Variants in ADAM15 observed in about 807,000 individuals in gnomAD.
ADAM15 encodes disintegrin and metalloproteinase domain-containing protein 15.
Under a neutral mutation model 113.8 loss-of-function variants are expected in ADAM15, and 77 were observed. The observed-to-expected ratio is 0.68, with a 90% CI of 0.56 to 0.82. The LOEUF (loss-of-function observed/expected upper bound fraction) is 0.82. Among genes scored for constraint, ADAM15 ranks in the 40% least tolerant of loss-of-function variants. The pLI, the probability that ADAM15 is intolerant of heterozygous loss-of-function variation, is 0.00. For synonymous variants in ADAM15, 388 were observed against 454.1 expected (o/e 0.85, Z 1.85); for missense variants, 963 against 1,120.1 (o/e 0.86, Z 2.00).
rs761199609 is a variant in ADAM15 at position 155,057,142 on chromosome 1, G to A, written c.1148+41G>A. The A allele has an allele frequency of 6.3e-7, 1 of 1,590,722 alleles. No individual in the cohort carries two copies. The highest frequency in any genetic ancestry group is 8.6e-7 in the Non-Finnish European group (1 of 1,165,958). On this transcript the variant is annotated intron_variant, in intron 11 of 22. Transcript: ENST00000356955. The surrounding 1 kb of genome is among the most constrained non-coding windows in gnomAD (Gnocchi z 5.0). ...ATGGAGAGAGGGTGTGGGGCAGGGG[G>A]CAGGGAGAGGCCCCCAGCCCCAACC...
At position 155,056,363 on chromosome 1, in the gene ADAM15, AC is replaced by A; in HGVS notation, c.915-22del. On this transcript the variant is annotated intron_variant, in intron 9 of 22. Coordinates refer to ENST00000356955, the MANE Select transcript of ADAM15 (RefSeq NM_207197.3). This position sits in a 1 kb window ranked among gnomAD's most constrained non-coding sequence, Gnocchi z 4.0. The stretch of plus-strand genomic sequence containing the variant: ...TGACCACCGTGGCTTCTGGCCCTGA[AC>A]TTTAGCCTCTCTGTCCCACAGTGGT... The A allele has an allele frequency of 6.2e-7, 1 of 1,613,664 alleles. No individual in the cohort carries two copies.
chr1:155,051,325 G>C lies in ADAM15; in HGVS notation c.-62G>C. The C allele has an allele frequency of 3.1e-6, 4 of 1,282,568 alleles. No individual in the cohort carries two copies. Among genetic ancestry groups the C allele is most frequent in the Non-Finnish European group, 4.0e-6 (4 of 998,152 alleles). 79.4% of individuals were successfully genotyped at this position (1,282,568 alleles called of 1,614,324 possible). A position where few individuals can be genotyped will look rare whatever the true frequency, so the allele number is the denominator to read the frequency against. ...GGTTCTCCGAGGCGACCTGGCCGCC[G>C]GCCGCTCCTCCGCGCGCTGTTCCGC... On this transcript the variant is annotated 5_prime_UTR_variant, in exon 1 of 23. Transcript: ENST00000356955.
rs199551467 is a variant in ADAM15, at chr1:155,057,297, A to G, written c.1258A>G (p.Met420Val). ...CGAACGGCTGCCTAGCCTACCCCCT[A>G]TGGCTGCTTTCTGCGGAAATATGTT... ...LFERLPSLPPMAAFCGNMFVE... is the reference protein window; with the variant it reads ...LFERLPSLPPVAAFCGNMFVE... The change falls in exon 12 of 23, where the codon ATG (methionine) becomes GTG (valine). Residue 420 changes from methionine to valine, a missense_variant. Transcript: ENST00000356955. The surrounding 1 kb of genome is among the most constrained non-coding windows in gnomAD (Gnocchi z 5.0). 43 of 1,613,916 alleles carry G rather than the reference A, an allele frequency of 2.7e-5. No individual in the cohort carries two copies. Among genetic ancestry groups the G allele is most frequent in the East Asian group, 2.0e-4 (9 of 44,890 alleles).
rs142428973 is a variant in ADAM15 at position 155,060,306 on chromosome 1, C to T, written c.2170C>T (p.Arg724Ter). ...SYWYRARLHQ[R>*]LCQLKGPTCQ... The stretch of plus-strand genomic sequence containing the variant: ...CTGGTACCGTGCCCGCCTGCACCAG[C>T]GACTCTGCCAGCTCAAGGGACCCAC... Residue 724 changes from arginine to a stop codon, truncating the protein, a stop_gained, in exon 18 of 23, where the codon CGA becomes TGA. Transcript: ENST00000356955. LOFTEE classifies it high-confidence loss of function. 71 of 1,613,994 alleles carry T rather than the reference C, an allele frequency of 4.4e-5. No homozygotes were observed. Among genetic ancestry groups the T allele is most frequent in the Non-Finnish European group, 5.6e-5 (66 of 1,180,000 alleles).
intron 19 of ADAM15, 100 bp from the exon 20 acceptor site, chr1:155,061,315 C>T: frequency 1.3e-6 from 1 of 799,264 alleles, no homozygotes; most frequent in South Asian, 1.6e-5. Flanking sequence ...CTGCCCTGGG[C>T]CCCTGCTGGC....
In ADAM15 at chr1:155,057,152, G is replaced by A. The variant is rs1280412881; in HGVS notation, c.1149-36G>A. The A allele has an allele frequency of 6.3e-7, 1 of 1,594,890 alleles. No individual in the cohort carries two copies. Among genetic ancestry groups the A allele is most frequent in the Non-Finnish European group, 8.6e-7 (1 of 1,168,102 alleles). ...GGTGTGGGGCAGGGGGCAGGGAGAG[G>A]CCCCCAGCCCCAACCTTCCTTGCCA... On this transcript the variant is annotated intron_variant, in intron 11 of 22. Coordinates refer to ENST00000356955, the MANE Select transcript of ADAM15 (RefSeq NM_207197.3). The surrounding 1 kb of genome is among the most constrained non-coding windows in gnomAD (Gnocchi z 5.0).
intron 16 of ADAM15, 126 bp from the exon 17 acceptor site, chr1:155,059,776 C>A: frequency 1.0e-6 from 1 of 977,520 alleles, no homozygotes; most frequent in African/African-American, 1.6e-5. Flanking sequence ...ACCCTCCCTC[C>A]GGGCTGTCTC....
At chr1:155,059,687 G>A (rs1662297903) in intron 16 of ADAM15, among the ~76,000 whole-genome samples, 1 of 152,112 alleles carries the variant, frequency 6.6e-6, no homozygotes, top group Non-Finnish European at 1.5e-5. Flanking sequence ...AAGAAAGAAA[G>A]CATGTACCAC....
intron 6 of ADAM15, 64 bp downstream of exon 6, chr1:155,054,570 A>C: frequency 6.8e-7 from 1 of 1,479,020 alleles, no homozygotes; most frequent in Non-Finnish European, 9.1e-7. Context: ...AGACACTTAG[A>C]GCTATGTGTG....
chr1:155,055,888 T>C, intron 7 of ADAM15, 36 bp downstream of exon 7: 1 of 1,614,158 alleles, frequency 6.2e-7, no homozygotes, highest in Non-Finnish European at 8.5e-7. Flanking sequence ...CTCCTCCCCC[T>C]GCACTGCCCT....
rs965595654 is a variant in ADAM15, at chr1:155,062,634, C to T, written c.*132C>T. 44 of 1,280,104 alleles carry T rather than the reference C, an allele frequency of 3.4e-5. No homozygotes were observed. The highest frequency in any genetic ancestry group is 4.6e-5 in the Non-Finnish European group (43 of 926,554). 79.3% of individuals were successfully genotyped at this position (1,280,104 alleles called of 1,614,324 possible). ...TCTTAAGACTCCGGGCACCGCCACG[C>T]GCTGTCAAGCAACACTCTGCGGACC... On this transcript the variant is annotated 3_prime_UTR_variant, in exon 23 of 23. Coordinates refer to ENST00000356955, the MANE Select transcript of ADAM15 (RefSeq NM_207197.3). This position sits in a 1 kb window ranked among gnomAD's most constrained non-coding sequence, Gnocchi z 7.0.
intron 2 of ADAM15, among the ~76,000 whole-genome samples, chr1:155,053,031 G>A (rs1661288239): frequency 6.6e-6 from 1 of 151,688 alleles, no homozygotes; most frequent in African/African-American, 2.4e-5. Flanking sequence ...AAATTGTGAA[G>A]CCAAACTTGC....
In ADAM15 at chr1:155,058,436, G is replaced by A; in HGVS notation, c.1912G>A (p.Gly638Ser). The change falls in exon 15 of 23, where the codon GGC (glycine) becomes AGC (serine). Residue 638 changes from glycine to serine, a missense_variant. Coordinates refer to ENST00000356955, the MANE Select transcript of ADAM15 (RefSeq NM_207197.3). This position sits in a 1 kb window ranked among gnomAD's most constrained non-coding sequence, Gnocchi z 4.3. Reference protein sequence around the residue: ...LTLPGTACGPGLVCIDHRCQR... With the variant: ...LTLPGTACGPSLVCIDHRCQR... ...TCTGCCTGGCACAGCCTGTGGCCCTGGCCTGGTGAGCAGCCTGGGTGGGCA... is the reference window on the plus strand; with the variant it reads ...TCTGCCTGGCACAGCCTGTGGCCCTAGCCTGGTGAGCAGCCTGGGTGGGCA... 2 of 1,611,370 alleles carry A rather than the reference G, an allele frequency of 1.2e-6. No individual in the cohort carries two copies. Among genetic ancestry groups the A allele is most frequent in the Non-Finnish European group, 1.7e-6 (2 of 1,180,000 alleles).
Position 155,059,979 on chromosome 1 carries a change from C to A in ADAM15, c.2068+5C>A. 1 of 1,613,940 alleles carries A rather than the reference C, an allele frequency of 6.2e-7. No individual in the cohort carries two copies. The highest frequency in any genetic ancestry group is 1.1e-5 in the South Asian group (1 of 91,056). On this transcript the variant is annotated splice_donor_5th_base_variant and intron_variant, in intron 17 of 22. Transcript: ENST00000356955. Reference sequence around the variant, plus strand: ...ACTGCACCACTCAGCTCAAAGGTAGCATGGGGGTGGGGGACAGGGGCAGCT... The same window carrying A: ...ACTGCACCACTCAGCTCAAAGGTAGAATGGGGGTGGGGGACAGGGGCAGCT...
Position 155,057,271 on chromosome 1 carries a change from T to C in ADAM15, c.1232T>C (p.Phe411Ser), listed in dbSNP as rs1441209735. 6.2e-7 allele frequency: 1 copy of C among 1,614,182 alleles called. No individual in the cohort carries two copies. The highest frequency in any genetic ancestry group is 1.7e-5 in the Admixed American group (1 of 60,014). ...CTGGATGGAATGGGCAGCTGCCTCT[T>C]CGAACGGCTGCCTAGCCTACCCCCT... ...ALLDGMGSCL[F>S]ERLPSLPPMA... The change falls in exon 12 of 23, where the codon TTC (phenylalanine) becomes TCC (serine). Residue 411 changes from phenylalanine to serine, a missense_variant. Phe to Ser is a radical substitution (Grantham distance 155). Coordinates refer to ENST00000356955, the MANE Select transcript of ADAM15 (RefSeq NM_207197.3). This position sits in a 1 kb window ranked among gnomAD's most constrained non-coding sequence, Gnocchi z 5.0.
chr1:155,051,497 C>G, intron 1 of ADAM15, 32 bp downstream of exon 1: 1 of 1,504,952 alleles, frequency 6.6e-7, no homozygotes, highest in Non-Finnish European at 8.9e-7. Context: ...GGTCGGGGGG[C>G]GGACTGGGAG....
Position 155,053,487 on chromosome 1 carries a change from A to G in ADAM15, c.257A>G (p.Gln86Arg). 1 of 1,614,220 alleles carries G rather than the reference A, an allele frequency of 6.2e-7. No homozygotes were observed. Among genetic ancestry groups the G allele is most frequent in the East Asian group, 2.2e-5 (1 of 44,894 alleles). Residue 86 changes from glutamine to arginine, a missense_variant, in exon 3 of 23, where the codon CAG (glutamine) becomes CGG (arginine). Transcript: ENST00000356955. ...GACAGTCATATCCTGGAGCTGCTAC[A>G]GAATAGGTAATAGTGATGGTGGCAA... ...DGDSHILELL[Q>R]NRELVPGRPT...
At chr1:155,052,819 A>G in intron 2 of ADAM15, 42 bp downstream of exon 2, 4 of 1,562,702 alleles carry the variant, frequency 2.6e-6, no homozygotes, top group Non-Finnish European at 3.5e-6. Context: ...GAATCCACAC[A>G]CGCCCCGGTA....
At position 155,057,449 on chromosome 1, in the gene ADAM15, G is replaced by A. The variant is rs758009470; in HGVS notation, c.1323+87G>A. On this transcript the variant is annotated intron_variant, in intron 12 of 22. Transcript: ENST00000356955. The surrounding 1 kb of genome is among the most constrained non-coding windows in gnomAD (Gnocchi z 5.0). The stretch of plus-strand genomic sequence containing the variant: ...CCCTATCCCAGCCTCCTGAGCTCTT[G>A]GGTTCTGAAGGGACTTTCCACCCCT... 141 of 1,559,978 alleles carry A rather than the reference G, an allele frequency of 9.0e-5. No homozygotes were observed. The highest frequency in any genetic ancestry group is 1.2e-4 in the Non-Finnish European group (134 of 1,143,726).
Sources: allele counts gnomAD v4.1 joint callset (sites outside exome capture counted in the v4.1 genomes callset), GRCh38; gene constraint gnomAD v4.1.1; non-coding constraint Gnocchi (gnomAD v3.1); transcripts MANE v1.5; gene names NCBI Gene and HGNC (gene_info 2026-07-23, HGNC 2026-07-21).